Variants in SFMBT2 observed in about 807,000 individuals in gnomAD.
SFMBT2 encodes Scm like with four mbt domains 2.
SFMBT2 carries 38 observed loss-of-function variants against 110.1 expected under a neutral mutation model. That is an observed-to-expected ratio of 0.35 (90% CI 0.27 to 0.45). The LOEUF is 0.45. SFMBT2 is among the 20% of genes least tolerant of loss of function. SFMBT2 has a pLI of 1.00. For missense variants in SFMBT2, 1,011 were observed against 1,094.9 expected, an observed-to-expected ratio of 0.92 and a Z score of 1.08; for synonymous variants, 425 against 425.4, an observed-to-expected ratio of 1.00 and a Z score of 0.01.
At chr10:7,361,309 A>C (rs1227200208) in intron 4 of SFMBT2, among the ~76,000 whole-genome samples, 1 of 152,236 alleles carries the variant, frequency 6.6e-6, no homozygotes, top group Non-Finnish European at 1.5e-5. Flanking sequence ...ATAAATTTTA[A>C]AAAGGGTCAG....
intron 11 of SFMBT2, among the ~76,000 whole-genome samples, chr10:7,218,577 G>C (rs1209115286): frequency 6.6e-6 from 1 of 152,112 alleles, no homozygotes; most frequent in Non-Finnish European, 1.5e-5. Flanking sequence ...TATATTTTCT[G>C]ATCTGTTTCC....
At position 7,236,374 on chromosome 10, in the gene SFMBT2, C is replaced by T. The variant is rs544352297; in HGVS notation, c.1120+7184G>A. Reference sequence around the variant, plus strand: ...TTGAACAAAAATAAAGAAAAAGTGACTCAACAATAGATATCAAGACTATAT... The same window carrying T: ...TTGAACAAAAATAAAGAAAAAGTGATTCAACAATAGATATCAAGACTATAT... On this transcript the variant is annotated intron_variant, in intron 9 of 20. Coordinates refer to ENST00000397167, the MANE Select transcript of SFMBT2 (RefSeq NM_001387889.1). 2.0e-5 allele frequency among the ~76,000 whole-genome samples: 3 copies of T among 152,144 alleles called. No individual in the cohort carries two copies. In the South Asian group the frequency reaches 6.2e-4, roughly 32 times the overall value.
chr10:7,291,796 G>A (rs1195816539), intron 4 of SFMBT2, among the ~76,000 whole-genome samples: 2 of 152,202 alleles, frequency 1.3e-5, no homozygotes, highest in Non-Finnish European at 2.9e-5. Context: ...ATGAGGCAGA[G>A]GGATAAATAT....
At chr10:7,400,850 C>T (rs573195539) in intron 1 of SFMBT2, among the ~76,000 whole-genome samples, 2 of 152,094 alleles carry the variant, frequency 1.3e-5, no homozygotes, top group Non-Finnish European at 1.5e-5. Flanking sequence ...GCATCCCCCC[C>T]GGCCAGGCGC....
Position 7,381,831 on chromosome 10 carries a change from C to A in SFMBT2, c.68G>T (p.Gly23Val). ...AAGGTCTCCATTTCCATTAGCTGAG[C>A]CGAGACACTTTTCCAAGGGTGAAGA... ...PSSSPLEKCL[G>V]SANGNGDLDS... The change falls in exon 2 of 21, where the codon GGC becomes GTC. Residue 23 changes from glycine to valine, a missense_variant. By Grantham distance (109) the Gly-to-Val change is moderately radical. Around this residue, in one of 2 missense-constraint regions of SFMBT2, gnomAD observed 979 missense variants for 1,016.1 expected, o/e 0.96. Coordinates refer to ENST00000397167, the MANE Select transcript of SFMBT2 (RefSeq NM_001387889.1). The A allele has an allele frequency of 6.2e-7, 1 of 1,613,734 alleles. No individual in the cohort carries two copies. The highest frequency in any genetic ancestry group is 8.5e-7 in the Non-Finnish European group (1 of 1,179,800).
At chr10:7,377,512 T>C (rs1845272512) in intron 2 of SFMBT2, among the ~76,000 whole-genome samples, 1 of 152,172 alleles carries the variant, frequency 6.6e-6, no homozygotes, top group Non-Finnish European at 1.5e-5. Context: ...CACCATGATA[T>C]AGAATCAGTG....
chr10:7,229,532 T>C (rs539933358), intron 9 of SFMBT2, among the ~76,000 whole-genome samples: 81 of 142,130 alleles, frequency 5.7e-4, no homozygotes, highest in African/African-American at 2.0e-3. Flanking sequence ...GAGGTGGAGG[T>C]TGCAGTGAGC....
intron 4 of SFMBT2, among the ~76,000 whole-genome samples, chr10:7,365,378 T>C (rs971646587): frequency 6.6e-6 from 1 of 152,224 alleles, no homozygotes; most frequent in African/African-American, 2.4e-5. Context: ...CAGATGACCA[T>C]GTAAGCCGCA....
At chr10:7,272,497 C>CA (rs1238884179) in intron 7 of SFMBT2, among the ~76,000 whole-genome samples, 6 of 152,138 alleles carry the variant, frequency 3.9e-5, no homozygotes, top group African/African-American at 1.4e-4. Flanking sequence ...AAGATATAAG[C>CA]ATGGGGAGGT....
chr10:7,381,704 T>C, intron 2 of SFMBT2, 95 bp downstream of exon 2: 1 of 1,308,188 alleles, frequency 7.6e-7, no homozygotes, highest in South Asian at 1.4e-5. Flanking sequence ...GTATGTGAGA[T>C]CTACAAATGT....
intron 2 of SFMBT2, among the ~76,000 whole-genome samples, chr10:7,372,687 C>T (rs1845095271): frequency 6.6e-6 from 1 of 152,208 alleles, no homozygotes. Flanking sequence ...TGTTGACAGT[C>T]CCCTGCCTCC....
At chr10:7,273,386 AG>A (rs1413924863) in intron 7 of SFMBT2, among the ~76,000 whole-genome samples, 1 of 152,250 alleles carries the variant, frequency 6.6e-6, no homozygotes, top group Non-Finnish European at 1.5e-5. Context: ...TCCACTGCAA[AG>A]AAACAGTGAA....
chr10:7,242,787 A>C (rs1317164014), intron 9 of SFMBT2, among the ~76,000 whole-genome samples: 2 of 152,244 alleles, frequency 1.3e-5, no homozygotes, highest in African/African-American at 4.8e-5. Flanking sequence ...AATAGGGTTA[A>C]TGTCCCAAGC....
intron 11 of SFMBT2, among the ~76,000 whole-genome samples, chr10:7,212,958 T>A (rs1839399948): frequency 6.6e-6 from 1 of 152,050 alleles, no homozygotes; most frequent in African/African-American, 2.4e-5. Flanking sequence ...GAAACCATCA[T>A]CCTCAGCAAA....
chr10:7,378,316 A>G (rs1208569295), intron 2 of SFMBT2, among the ~76,000 whole-genome samples: 11 of 43,416 alleles, frequency 2.5e-4, no homozygotes, highest in African/African-American at 6.1e-4. Context: ...GGATGGGTGG[A>G]TGGATGGGTG....
At chr10:7,335,130 G>A (rs1843677824) in intron 4 of SFMBT2, among the ~76,000 whole-genome samples, 1 of 152,190 alleles carries the variant, frequency 6.6e-6, no homozygotes, top group Non-Finnish European at 1.5e-5. Context: ...AACGGTGGTT[G>A]CCCAGAGAAG....
intron 12 of SFMBT2, chr10:7,203,101 T>C (rs955076690): frequency 1.0e-6 from 1 of 985,446 alleles, no homozygotes; most frequent in Non-Finnish European, 1.2e-6. Context: ...TTAACAAAAA[T>C]AGACCAAAGC....
At chr10:7,332,901 C>T (rs1232420662) in intron 4 of SFMBT2, among the ~76,000 whole-genome samples, 1 of 152,220 alleles carries the variant, frequency 6.6e-6, no homozygotes, top group Non-Finnish European at 1.5e-5. Context: ...GACTCTTGCT[C>T]TGTTGCCTAG....
At chr10:7,358,998 C>T (rs147249672) in intron 4 of SFMBT2, among the ~76,000 whole-genome samples, 8 of 152,316 alleles carry the variant, frequency 5.3e-5, no homozygotes, top group East Asian at 1.9e-4. Flanking sequence ...GCCAGAGCTG[C>T]GAGCACAGTG....
Sources: gnomAD v4.1 joint callset for allele counts (sites outside exome capture counted in the v4.1 genomes callset) on GRCh38, gnomAD v4.1.1 for gene constraint, gnomAD v4.1.1 regional missense constraint, MANE v1.5 for transcripts, NCBI Gene and HGNC (gene_info 2026-07-23, HGNC 2026-07-21) for gene names.